MARCHF1: variants seen among roughly 807,000 people sequenced by gnomAD.
The protein encoded by MARCHF1 is E3 ubiquitin-protein ligase MARCHF1.
Under a neutral mutation model 54.2 loss-of-function variants are expected in MARCHF1, and 40 were observed. That is an observed-to-expected ratio of 0.74 (90% confidence interval 0.57 to 0.96). The LOEUF (loss-of-function observed/expected upper bound fraction) is 0.96. MARCHF1 is among the 40% of genes least tolerant of loss of function. The probability of loss-of-function intolerance (pLI) is 0.00; values close to 1 mark genes in which losing one functional copy is unlikely to be tolerated. For synonymous variants in MARCHF1, 236 were observed against 236.3 expected (o/e 1.00, Z 0.01); for missense variants, 586 against 656.5 (o/e 0.89, Z 1.17).
intron 5 of MARCHF1, among the ~76,000 whole-genome samples, chr4:163,668,967 C>A (rs190642239): frequency 6.6e-6 from 1 of 152,138 alleles, no homozygotes; most frequent in Non-Finnish European, 1.5e-5. Context: ...CATTTCAGTT[C>A]TGCAGACTGA....
At chr4:163,620,267 T>G (rs373491326) in intron 5 of MARCHF1, among the ~76,000 whole-genome samples, 3 of 152,266 alleles carry the variant, frequency 2.0e-5, no homozygotes, top group East Asian at 3.9e-4. Context: ...TAATACCCAG[T>G]GTAGCCGAGG....
chr4:164,325,273 G>C (rs1735244096), intron 1 of MARCHF1, among the ~76,000 whole-genome samples: 1 of 150,314 alleles, frequency 6.7e-6, no homozygotes, highest in Admixed American at 6.7e-5. Flanking sequence ...GTGGCTACTG[G>C]ACAGTGAAGA....
chr4:164,326,049 A>C (rs1735273138), intron 1 of MARCHF1, among the ~76,000 whole-genome samples: 1 of 152,110 alleles, frequency 6.6e-6, no homozygotes, highest in Non-Finnish European at 1.5e-5. Context: ...TTAATACTAA[A>C]ATATTCTTTA....
intron 1 of MARCHF1, among the ~76,000 whole-genome samples, chr4:164,361,512 G>A (rs1468315288): frequency 6.6e-6 from 1 of 152,094 alleles, no homozygotes; most frequent in African/African-American, 2.4e-5. Context: ...AAACAGAACA[G>A]TTTCCTGGCC....
At chr4:163,639,033 C>A (rs1742456473) in intron 5 of MARCHF1, among the ~76,000 whole-genome samples, 1 of 152,010 alleles carries the variant, frequency 6.6e-6, no homozygotes, top group Non-Finnish European at 1.5e-5. Context: ...GACTGGAGGG[C>A]AGTGGGGGAT....
intron 7 of MARCHF1, among the ~76,000 whole-genome samples, chr4:163,591,580 T>C (rs908464348): frequency 6.6e-6 from 1 of 152,142 alleles, no homozygotes; most frequent in African/African-American, 2.4e-5. Context: ...GTTATGAGAA[T>C]GTTAAGAAGT....
At chr4:163,998,057 A>G in intron 2 of MARCHF1, among the ~76,000 whole-genome samples, 1 of 21,140 alleles carries the variant, frequency 4.7e-5, no homozygotes, top group South Asian at 5.8e-3. Context: ...AGAAAATTTC[A>G]CAGAGAAAAA....
intron 1 of MARCHF1, among the ~76,000 whole-genome samples, chr4:164,353,813 T>C (rs1282486506): frequency 6.4e-5 from 9 of 141,290 alleles, no homozygotes; most frequent in African/African-American, 2.4e-4. Context: ...AAAAAATCAA[T>C]GAATCCAGGA....
At chr4:163,722,087 G>A (rs890048536) in intron 4 of MARCHF1, among the ~76,000 whole-genome samples, 1 of 152,022 alleles carries the variant, frequency 6.6e-6, no homozygotes, top group Non-Finnish European at 1.5e-5. Context: ...GAATGTGTTT[G>A]CTCTTGCTTC....
chr4:163,770,553 CACACACACACAA>C (rs1312018487), intron 4 of MARCHF1, among the ~76,000 whole-genome samples: 55 of 71,748 alleles, frequency 7.7e-4, no homozygotes, highest in Non-Finnish European at 2.1e-3. Context: ...CACACACACA[CACACACACACAA>C]ACACACACAC....
intron 4 of MARCHF1, among the ~76,000 whole-genome samples, chr4:163,771,942 G>T (rs779520645): frequency 1.3e-5 from 2 of 152,070 alleles, no homozygotes; most frequent in East Asian, 3.9e-4. Flanking sequence ...AAAAGGAGTT[G>T]CCCATTTCAA....
chr4:163,847,501 C>T (rs1242077076), intron 4 of MARCHF1, among the ~76,000 whole-genome samples: 1 of 150,340 alleles, frequency 6.7e-6, no homozygotes, highest in African/African-American at 2.5e-5. Context: ...TCCCTTCTTA[C>T]CTGCTACTAC....
At position 163,537,816 on chromosome 4, in the gene MARCHF1, A is replaced by G. The variant is rs980098001; in HGVS notation, c.1339+7780T>C. Among the ~76,000 whole-genome samples, 33 of 152,210 alleles carry G rather than the reference A, an allele frequency of 2.2e-4. 1 individual carries two copies. The highest frequency in any genetic ancestry group is 1.3e-4 in the Admixed American group (2 of 15,264). Reference sequence around the variant, plus strand: ...ATGTTATGCTAATCCCACAAGGAAGAGTGATAAGTTCTCAGTCTCAATATT... The same window carrying G: ...ATGTTATGCTAATCCCACAAGGAAGGGTGATAAGTTCTCAGTCTCAATATT... On this transcript the variant is annotated intron_variant, in intron 9 of 9. Coordinates refer to ENST00000514618, the MANE Select transcript of MARCHF1 (RefSeq NM_001394959.1).
intron 7 of MARCHF1, among the ~76,000 whole-genome samples, chr4:163,609,785 G>A (rs1741272394): frequency 6.6e-6 from 1 of 151,766 alleles, no homozygotes; most frequent in African/African-American, 2.4e-5. Context: ...GGCTGAAAAT[G>A]GGCTGAGGGA....
At chr4:163,896,603 T>G (rs377556684) in intron 3 of MARCHF1, among the ~76,000 whole-genome samples, 1 of 152,332 alleles carries the variant, frequency 6.6e-6, no homozygotes, top group East Asian at 1.9e-4. Flanking sequence ...ACTTGTATAA[T>G]AGCATTGTTC....
chr4:163,719,581 T>C (rs1389367162), intron 4 of MARCHF1, among the ~76,000 whole-genome samples: 1 of 152,166 alleles, frequency 6.6e-6, no homozygotes. Context: ...GTATTTCTAC[T>C]TCTAGATCCT....
intron 4 of MARCHF1, among the ~76,000 whole-genome samples, chr4:163,717,679 G>A (rs543417227): frequency 3.9e-5 from 6 of 152,152 alleles, no homozygotes; most frequent in Non-Finnish European, 5.9e-5. Context: ...ACTTTTTAAC[G>A]ACCGCCATTC....
intron 2 of MARCHF1, among the ~76,000 whole-genome samples, chr4:164,002,108 A>G (rs900109799): frequency 1.3e-5 from 2 of 151,742 alleles, no homozygotes; most frequent in Non-Finnish European, 1.5e-5. Context: ...CTGGCTGTTT[A>G]CCAAAACAAC....
intron 1 of MARCHF1, among the ~76,000 whole-genome samples, chr4:164,306,607 A>G (rs1003232149): frequency 1.3e-5 from 2 of 152,270 alleles, no homozygotes; most frequent in African/African-American, 4.8e-5. Context: ...ATCATAATCT[A>G]TATCTGCTGT....
Sources: gnomAD v4.1 joint callset for allele counts (sites outside exome capture counted in the v4.1 genomes callset) on GRCh38, gnomAD v4.1.1 for gene constraint, MANE v1.5 for transcripts, NCBI Gene and HGNC (gene_info 2026-07-23, HGNC 2026-07-21) for gene names.